SASH1: variants seen among roughly 807,000 people sequenced by gnomAD.
SASH1 encodes SAM and SH3 domain-containing protein 1.
SASH1 carries 44 observed loss-of-function variants against 125.2 expected under a neutral mutation model. That is an observed-to-expected ratio of 0.35 (90% CI 0.28 to 0.45). The LOEUF (loss-of-function observed/expected upper bound fraction) is 0.45. Ranked by LOEUF, SASH1 falls within the 20% of genes least tolerant of loss-of-function variation. SASH1 has a pLI of 1.00. For synonymous variants in SASH1, 639 were observed against 649.1 expected, an observed-to-expected ratio of 0.98 and a Z score of 0.24; for missense variants, 1,426 against 1,614.5, an observed-to-expected ratio of 0.88 and a Z score of 2.00.
chr6:148,468,738 G>T, intron 5 of SASH1, 153 bp downstream of exon 5: 2 of 543,098 alleles, frequency 3.7e-6, no homozygotes, highest in Non-Finnish European at 3.2e-6. Flanking sequence ...CCTTTTTCTA[G>T]GCAGTTTTAA....
intron 15 of SASH1, 89 bp from the exon 16 acceptor site, chr6:148,534,660 AAC>A: frequency 8.1e-7 from 1 of 1,230,006 alleles, no homozygotes. Context: ...TGACTATGGG[AAC>A]AGTGTGTGGG....
At chr6:148,511,601 T>G (rs549643714) in intron 8 of SASH1, among the ~76,000 whole-genome samples, 1 of 152,272 alleles carries the variant, frequency 6.6e-6, no homozygotes, top group Non-Finnish European at 1.5e-5. Context: ...CAAAGGTGTG[T>G]TTCTCAAAAA....
intron 8 of SASH1, among the ~76,000 whole-genome samples, chr6:148,497,012 G>A (rs182032500): frequency 8.6e-5 from 13 of 151,072 alleles, no homozygotes; most frequent in Admixed American, 3.3e-4. Flanking sequence ...ATTTTATTTC[G>A]CTGGGTAGGA....
chr6:148,447,984 C>G (rs1221646786), intron 4 of SASH1, among the ~76,000 whole-genome samples: 4 of 152,140 alleles, frequency 2.6e-5, no homozygotes, highest in African/African-American at 9.7e-5. Flanking sequence ...AAGCTCCATT[C>G]AATCTTAAAA....
At chr6:148,236,490 G>A in the SASH1 span, among the ~76,000 whole-genome samples, 94 of 152,260 alleles carry the variant, frequency 6.2e-4, no homozygotes, top group East Asian at 0.017. Flanking sequence ...TGGATTACAG[G>A]CATGAGCCAC....
chr6:148,301,046 G>A (rs901468206), intron 1 of SASH1, among the ~76,000 whole-genome samples: 3 of 151,734 alleles, frequency 2.0e-5, no homozygotes, highest in Non-Finnish European at 2.9e-5. Flanking sequence ...CCTCCTCCTC[G>A]GCCGGGCTCG....
At chr6:148,394,083 G>C (rs1783847376) in intron 2 of SASH1, among the ~76,000 whole-genome samples, 1 of 151,858 alleles carries the variant, frequency 6.6e-6, no homozygotes, top group African/African-American at 2.4e-5. Flanking sequence ...AGTAGAGATA[G>C]GGTTTTACCA....
rs59357893 is a variant in SASH1 at position 148,449,081 on chromosome 6, T to TTTCTTTTTTTTTTTC, written c.386+8676_386+8677insCTTTTTTTTTTTCTT. ...ACTGGCTAATTTCATTTCATTTCTT[T>TTTCTTTTTTTTTTTC]TTTTTTTTTTTTGGAGACAGAGTCT... On this transcript the variant is annotated intron_variant, in intron 4 of 19. Coordinates refer to ENST00000367467, the MANE Select transcript of SASH1 (RefSeq NM_015278.5). Among the ~76,000 whole-genome samples the TTTCTTTTTTTTTTTC allele has an allele frequency of 6.0e-5, 8 of 134,324 alleles. 1 individual carries two copies. The highest frequency in any genetic ancestry group is 2.1e-4 in the East Asian group (1 of 4,694). The allele number at this position is 134,324 out of a possible 152,430, so 88.1% of individuals were successfully genotyped here.
the SASH1 span, among the ~76,000 whole-genome samples, chr6:148,198,416 CTT>C: frequency 6.6e-6 from 1 of 152,312 alleles, no homozygotes; most frequent in East Asian, 1.9e-4. Flanking sequence ...TCCCTTCTGT[CTT>C]TATTGATATT....
intron 4 of SASH1, among the ~76,000 whole-genome samples, chr6:148,464,864 G>A (rs1357518746): frequency 2.0e-5 from 3 of 152,066 alleles, no homozygotes; most frequent in Non-Finnish European, 4.4e-5. Flanking sequence ...TCTAGGTGGT[G>A]AACTTGTGAA....
chr6:148,302,821 TATATA>T (rs1268849462), intron 1 of SASH1, among the ~76,000 whole-genome samples: 1 of 4,114 alleles, frequency 2.4e-4, no homozygotes, highest in Non-Finnish European at 4.7e-4. Flanking sequence ...ACCTCAGGAG[TATATA>T]TATATATATA....
intron 1 of SASH1, among the ~76,000 whole-genome samples, chr6:148,329,286 G>C (rs980118422): frequency 6.6e-6 from 1 of 152,216 alleles, no homozygotes; most frequent in African/African-American, 2.4e-5. Flanking sequence ...TTCATTGAGA[G>C]GGAAATGGTG....
At chr6:148,328,557 C>T (rs1474240614) in intron 1 of SASH1, among the ~76,000 whole-genome samples, 40 of 151,314 alleles carry the variant, frequency 2.6e-4, no homozygotes, top group Non-Finnish European at 5.9e-5. Flanking sequence ...CTTGCCACTG[C>T]ACTCCAGCCT....
At chr6:148,297,703 A>T (rs920325542) in intron 1 of SASH1, among the ~76,000 whole-genome samples, 1 of 151,982 alleles carries the variant, frequency 6.6e-6, no homozygotes, top group Non-Finnish European at 1.5e-5. Flanking sequence ...GGCAGCGTGC[A>T]CCTGTAGTCT....
In SASH1 at chr6:148,468,496, C is replaced by T. The variant is rs775571100; in HGVS notation, c.387-49C>T. On this transcript the variant is annotated intron_variant, in intron 4 of 19. Transcript: ENST00000367467. Reference sequence around the variant, plus strand: ...ACTAGTTAGGAGGATTTTCAGTTCTCCCATGAAAGCAAGGCTCTCTGGTAA... The same window carrying T: ...ACTAGTTAGGAGGATTTTCAGTTCTTCCATGAAAGCAAGGCTCTCTGGTAA... 4.2e-6 allele frequency: 6 copies of T among 1,426,098 alleles called. No individual in the cohort carries two copies. The Admixed American group carries it at 1.1e-4, about 26-fold the overall frequency. 88.3% of individuals were successfully genotyped at this position (1,426,098 alleles called of 1,614,324 possible). A position where few individuals can be genotyped will look rare whatever the true frequency, so the allele number is the denominator to read the frequency against.
At chr6:148,200,235 T>G in the SASH1 span, among the ~76,000 whole-genome samples, 2 of 152,232 alleles carry the variant, frequency 1.3e-5, no homozygotes, top group African/African-American at 4.8e-5. Context: ...TAAAAAATAT[T>G]CATGTATATT....
At position 148,534,365 on chromosome 6, in the gene SASH1, T is replaced by TC. The variant is rs1269446251; in HGVS notation, c.1945-384dup. 3.9e-5 allele frequency among the ~76,000 whole-genome samples: 6 copies of TC among 152,318 alleles called. No individual in the cohort carries two copies. The South Asian group carries it at 6.2e-4, about 16-fold the overall frequency. On this transcript the variant is annotated intron_variant, in intron 15 of 19. Coordinates refer to ENST00000367467, the MANE Select transcript of SASH1 (RefSeq NM_015278.5). ...TGAGTCTGCAATGAGAGATTATGTT[T>TC]CCTCTTTGCAAAACTCTTGATCCTG...
chr6:148,277,381 A>G (rs1473031823), intron 1 of SASH1, among the ~76,000 whole-genome samples: 1 of 152,194 alleles, frequency 6.6e-6, no homozygotes, highest in Non-Finnish European at 1.5e-5. Context: ...GCATGGAGAG[A>G]CATTGGGTTC....
At chr6:148,373,834 A>T in intron 1 of SASH1, among the ~76,000 whole-genome samples, 1 of 152,232 alleles carries the variant, frequency 6.6e-6, no homozygotes, top group East Asian at 1.9e-4. Flanking sequence ...TTAGTTGAGC[A>T]TGATGGTGTG....
Sources: allele counts gnomAD v4.1 joint callset (sites outside exome capture counted in the v4.1 genomes callset), GRCh38; gene constraint gnomAD v4.1.1; transcripts MANE v1.5; gene names NCBI Gene and HGNC (gene_info 2026-07-23, HGNC 2026-07-21).